The following DLGAP1 variants were observed in gnomAD, a reference collection of about 807,000 sequenced individuals.
The protein encoded by DLGAP1 is DLG associated protein 1, also known as disks large-associated protein 1.
Under a neutral mutation model 90.8 loss-of-function variants are expected in DLGAP1, and 11 were observed. The ratio of observed to expected loss-of-function variants is 0.12; its 90% CI spans 0.08 to 0.20. DLGAP1 has a LOEUF of 0.20. DLGAP1 is among the 10% of genes least tolerant of loss of function. The probability of loss-of-function intolerance (pLI) is 1.00; values close to 1 mark genes in which losing one functional copy is unlikely to be tolerated. For synonymous variants in DLGAP1, 558 were observed against 540.7 expected, an observed-to-expected ratio of 1.03 and a Z score of -0.44; for missense variants, 1,050 against 1,333.8, an observed-to-expected ratio of 0.79 and a Z score of 3.31.
intron 7 of DLGAP1, among the ~76,000 whole-genome samples, chr18:3,679,629 T>A (rs548176288): frequency 3.0e-4 from 43 of 144,228 alleles, no homozygotes; most frequent in African/African-American, 1.1e-3. Flanking sequence ...ATGAGCTCCG[T>A]GGTAGTTTGG....
At chr18:4,430,442 A>C (rs2083260010) in intron 1 of DLGAP1, 1 of 151,054 alleles carries the variant, frequency 6.6e-6, no homozygotes, top group African/African-American at 2.4e-5. Flanking sequence ...TCCAATCTGA[A>C]AATACAGATT....
intron 1 of DLGAP1, among the ~76,000 whole-genome samples, chr18:4,196,179 T>C (rs1441569338): frequency 2.0e-5 from 3 of 152,148 alleles, no homozygotes; most frequent in Non-Finnish European, 4.4e-5. Context: ...GCAGGGTGTC[T>C]ACTCTTACGG....
chr18:3,838,568 G>C (rs1264534079), intron 4 of DLGAP1, among the ~76,000 whole-genome samples: 1 of 152,202 alleles, frequency 6.6e-6, no homozygotes, highest in Non-Finnish European at 1.5e-5. Context: ...AACTCTTAGA[G>C]CCAGGTTGTG....
intron 3 of DLGAP1, among the ~76,000 whole-genome samples, chr18:3,968,782 G>A (rs2073383800): frequency 6.6e-6 from 1 of 152,128 alleles, no homozygotes; most frequent in Non-Finnish European, 1.5e-5. Flanking sequence ...TATTGGAACA[G>A]CTAATAAGTA....
Position 3,498,869 on chromosome 18 carries a change from A to C in DLGAP1, c.*316T>G. 2.7e-6 allele frequency: 1 copy of C among 364,600 alleles called. No homozygotes were observed. 22.6% of individuals were successfully genotyped at this position (364,600 alleles called of 1,614,324 possible). On this transcript the variant is annotated 3_prime_UTR_variant, in exon 13 of 13. Transcript: ENST00000315677. ...GAGAACTGAGGACGGCGGGTGACCT[A>C]AAGGCATCACTTCTACACAGGTGGG...
intron 1 of DLGAP1, among the ~76,000 whole-genome samples, chr18:4,242,061 CA>C (rs1201172811): frequency 6.6e-6 from 1 of 151,974 alleles, no homozygotes; most frequent in Non-Finnish European, 1.5e-5. Flanking sequence ...TCATGAAAAC[CA>C]TCAGGCGCCA....
intron 11 of DLGAP1, among the ~76,000 whole-genome samples, chr18:3,504,428 A>C (rs1204851243): frequency 6.6e-6 from 1 of 152,196 alleles, no homozygotes; most frequent in East Asian, 1.9e-4. Flanking sequence ...CTTGTCGCCC[A>C]CGCTGGAGTG....
chr18:3,987,986 T>C (rs2073876676), intron 3 of DLGAP1, among the ~76,000 whole-genome samples: 1 of 152,198 alleles, frequency 6.6e-6, no homozygotes, highest in South Asian at 2.1e-4. Flanking sequence ...TCAAGCCCAT[T>C]ACATTTATTG....
rs77531147 is a variant in DLGAP1, at chr18:4,454,414, C to T, written c.-267+592G>A. ...TCCTCCTTGGACCCCATTTCTCTCT[C>T]TCTCTCTCTCTCTGTGCCTGTCTTT... On this transcript the variant is annotated intron_variant, in intron 1 of 12. Coordinates refer to ENST00000315677, the MANE Select transcript of DLGAP1 (RefSeq NM_004746.4). This position sits in a 1 kb window ranked among gnomAD's most constrained non-coding sequence, Gnocchi z 4.7. Among the ~76,000 whole-genome samples, 1 of 56,168 alleles carries T rather than the reference C, an allele frequency of 1.8e-5. No homozygotes were observed. The highest frequency in any genetic ancestry group is 6.0e-4 in the South Asian group (1 of 1,670). The allele number at this position is 56,168 out of a possible 152,430, so 36.8% of individuals were successfully genotyped here.
intron 4 of DLGAP1, among the ~76,000 whole-genome samples, chr18:3,834,700 G>A (rs527396598): frequency 6.6e-6 from 1 of 152,296 alleles, no homozygotes; most frequent in Non-Finnish European, 1.5e-5. Flanking sequence ...GCTGCCTTTG[G>A]TTAAATAAGA....
chr18:3,534,165 C>T lies in DLGAP1; in HGVS notation c.2479+29G>A, dbSNP rs368222095. On this transcript the variant is annotated intron_variant, in intron 10 of 12. Transcript: ENST00000315677. ...ACAAAGCAACCCCAGCCCCAGGGGA[C>T]GGGTGTGGCACGTGGTGGCATTACT... 503 of 1,591,998 alleles carry T rather than the reference C, an allele frequency of 3.2e-4. 1 individual carries two copies. The highest frequency in any genetic ancestry group is 4.0e-4 in the Non-Finnish European group (465 of 1,168,240).
At chr18:3,643,611 T>G (rs935619627) in intron 7 of DLGAP1, among the ~76,000 whole-genome samples, 57 of 131,930 alleles carry the variant, frequency 4.3e-4, no homozygotes, top group African/African-American at 1.5e-3. Flanking sequence ...TGCAGTGAGC[T>G]GAGATCGCGC....
chr18:4,380,568 C>T (rs1262787167), intron 1 of DLGAP1, among the ~76,000 whole-genome samples: 1 of 152,170 alleles, frequency 6.6e-6, no homozygotes, highest in Non-Finnish European at 1.5e-5. Context: ...TCTCAAGAAG[C>T]ATACCAAGCT....
chr18:4,060,738 T>G (rs779025800), intron 2 of DLGAP1, among the ~76,000 whole-genome samples: 1 of 152,200 alleles, frequency 6.6e-6, no homozygotes, highest in African/African-American at 2.4e-5. Flanking sequence ...AGGAAGATTA[T>G]AAATAAAAAT....
At chr18:3,550,313 C>T (rs2053314916) in intron 9 of DLGAP1, among the ~76,000 whole-genome samples, 1 of 152,150 alleles carries the variant, frequency 6.6e-6, no homozygotes, top group Non-Finnish European at 1.5e-5. Flanking sequence ...GCAGCCTCAA[C>T]TTCCTGAGCT....
chr18:3,919,088 A>G (rs955501605), intron 3 of DLGAP1, among the ~76,000 whole-genome samples: 3 of 140,010 alleles, frequency 2.1e-5, no homozygotes, highest in African/African-American at 9.1e-5. Context: ...ACGCCTGGAT[A>G]TAGGTAAGTT....
chr18:4,170,778 T>C (rs930926084), intron 1 of DLGAP1, among the ~76,000 whole-genome samples: 1 of 152,206 alleles, frequency 6.6e-6, no homozygotes, highest in Non-Finnish European at 1.5e-5. Flanking sequence ...TTACTTATTG[T>C]CTTCCACAAC....
At chr18:4,284,728 G>A (rs2079641126) in intron 1 of DLGAP1, among the ~76,000 whole-genome samples, 1 of 152,142 alleles carries the variant, frequency 6.6e-6, no homozygotes, top group African/African-American at 2.4e-5. Flanking sequence ...GCCTTCACAG[G>A]TCTCAGGTGA....
intron 1 of DLGAP1, among the ~76,000 whole-genome samples, chr18:4,283,490 T>A (rs1053097526): frequency 1.3e-5 from 2 of 152,184 alleles, no homozygotes; most frequent in Non-Finnish European, 2.9e-5. Context: ...TATACATATA[T>A]ATATAAATAA....
Sources: gnomAD v4.1 joint callset for allele counts (sites outside exome capture counted in the v4.1 genomes callset) on GRCh38, gnomAD v4.1.1 for gene constraint, Gnocchi (gnomAD v3.1) non-coding constraint, MANE v1.5 for transcripts, NCBI Gene and HGNC (gene_info 2026-07-23, HGNC 2026-07-21) for gene names.